ENPP3: variants seen among roughly 807,000 people sequenced by gnomAD.
ENPP3 encodes ectonucleotide pyrophosphatase/phosphodiesterase 3.
A neutral mutation model predicts 117.8 loss-of-function variants in ENPP3; 104 were observed. The observed-to-expected ratio is 0.88, with a 90% CI of 0.75 to 1.04. ENPP3 has a LOEUF of 1.04. ENPP3 is among the 50% of genes least tolerant of loss of function. The probability of loss-of-function intolerance (pLI) is 0.00; values close to 1 mark genes in which losing one functional copy is unlikely to be tolerated. For synonymous variants in ENPP3, 380 were observed against 349.9 expected (o/e 1.09, Z -0.96); for missense variants, 1,026 against 1,051.9 (o/e 0.98, Z 0.34).
chr6:131,668,215 T>A, intron 6 of ENPP3, among the ~76,000 whole-genome samples: 2 of 141,730 alleles, frequency 1.4e-5, no homozygotes, highest in East Asian at 2.0e-4. Flanking sequence ...CGTTTTTTTT[T>A]TTTTTTTTTT....
At chr6:131,640,971 A>G (rs1175356734) in intron 1 of ENPP3, among the ~76,000 whole-genome samples, 3 of 152,186 alleles carry the variant, frequency 2.0e-5, no homozygotes, top group Admixed American at 2.0e-4. Flanking sequence ...CTATTTGGAC[A>G]ATGTATTTTT....
At chr6:131,723,921 C>T in intron 18 of ENPP3, 119 bp from the exon 19 acceptor site, 3 of 674,286 alleles carry the variant, frequency 4.4e-6, no homozygotes, top group Non-Finnish European at 7.7e-6. Context: ...GTTAGGCTAG[C>T]TTCTTTGGCA....
At chr6:131,664,331 A>G (rs916940468) in intron 6 of ENPP3, among the ~76,000 whole-genome samples, 1 of 152,206 alleles carries the variant, frequency 6.6e-6, no homozygotes, top group African/African-American at 2.4e-5. Flanking sequence ...AAATTAAAAA[A>G]CAAAAGCTTA....
rs967889514 is a variant in ENPP3 at position 131,741,139 on chromosome 6, G to A, written c.2457+759G>A. 2.0e-5 allele frequency among the ~76,000 whole-genome samples: 3 copies of A among 152,262 alleles called. No individual in the cohort carries two copies. The East Asian group carries it at 5.8e-4, about 29-fold the overall frequency. On this transcript the variant is annotated intron_variant, in intron 24 of 24. Transcript: ENST00000357639. The stretch of plus-strand genomic sequence containing the variant: ...CTTTTTGGATCAAGGCAGATTATAT[G>A]TAAGTAGTTAATTCGACTTGCATAT...
chr6:131,643,469 G>T (rs1778093343), intron 2 of ENPP3, among the ~76,000 whole-genome samples: 1 of 152,050 alleles, frequency 6.6e-6, no homozygotes, highest in South Asian at 2.1e-4. Context: ...GCCCTATGTG[G>T]CAGCATGCTC....
chr6:131,674,060 G>T, intron 7 of ENPP3, 102 bp from the exon 8 acceptor site: 1 of 694,916 alleles, frequency 1.4e-6, no homozygotes, highest in Non-Finnish European at 2.4e-6. Flanking sequence ...AAGGTATATA[G>T]TACCTTTCTT....
At chr6:131,672,758 A>G (rs1045045037) in intron 7 of ENPP3, among the ~76,000 whole-genome samples, 1 of 151,602 alleles carries the variant, frequency 6.6e-6, no homozygotes, top group South Asian at 2.1e-4. Context: ...ATATATTTTT[A>G]TACATATATA....
chr6:131,720,258 A>G (rs1320383658), intron 16 of ENPP3, 34 bp from the exon 17 acceptor site: 4 of 1,304,954 alleles, frequency 3.1e-6, no homozygotes, highest in Middle Eastern at 2.0e-4. Flanking sequence ...TTTGGATGAC[A>G]TCTAATAATA....
intron 1 of ENPP3, among the ~76,000 whole-genome samples, chr6:131,637,670 A>G (rs565370479): frequency 7.2e-5 from 11 of 152,358 alleles, no homozygotes; most frequent in Admixed American, 3.9e-4. Context: ...ACAAGTTAAC[A>G]TTACGTTAAA....
intron 16 of ENPP3, among the ~76,000 whole-genome samples, chr6:131,719,382 AACACACACACAC>A (rs3032879): frequency 3.0e-5 from 4 of 133,126 alleles, no homozygotes; most frequent in East Asian, 2.2e-4. Context: ...TTCCATTTGT[AACACACACACAC>A]ACACACACAC....
chr6:131,739,574 G>C (rs1035083384), intron 23 of ENPP3, among the ~76,000 whole-genome samples: 1 of 150,278 alleles, frequency 6.7e-6, no homozygotes, highest in African/African-American at 2.4e-5. Flanking sequence ...AAATGCAGGA[G>C]GCAGAATATC....
chr6:131,663,711 C>G (rs1585634506), intron 6 of ENPP3, among the ~76,000 whole-genome samples: 1 of 151,350 alleles, frequency 6.6e-6, no homozygotes, highest in East Asian at 1.9e-4. Context: ...AAAAAAAATC[C>G]TATCACCTAG....
At chr6:131,684,151 G>A (rs567581997) in intron 12 of ENPP3, among the ~76,000 whole-genome samples, 24 of 152,298 alleles carry the variant, frequency 1.6e-4, no homozygotes, top group African/African-American at 5.3e-4. Flanking sequence ...TTCTTGAGGA[G>A]GACGTTTAAA....
At chr6:131,711,040 T>A (rs1779776502) in intron 15 of ENPP3, 1 of 1,591,336 alleles carries the variant, frequency 6.3e-7, no homozygotes. Context: ...GCTCTGGCGG[T>A]CACCGCAGTA....
At position 131,692,450 on chromosome 6, in the gene ENPP3, A is replaced by G. The variant is rs539345282; in HGVS notation, c.1285-1047A>G. On this transcript the variant is annotated intron_variant, in intron 14 of 24. Transcript: ENST00000357639. ...CAAAAGCCATTGACTTGATCGGAAA[A>G]CTAAGCAAATGTAGGTTATTTAAAA... Among the ~76,000 whole-genome samples the G allele has an allele frequency of 3.7e-4, 57 of 152,038 alleles. 2 individuals carry two copies. In the South Asian group the frequency reaches 0.011, roughly 29 times the overall value.
Position 131,658,343 on chromosome 6 carries a change from T to C in ENPP3, c.485T>C (p.Ile162Thr). Reference protein sequence around the residue: ...CPEGFDLPPVILFSMDGFRAE... With the variant: ...CPEGFDLPPVTLFSMDGFRAE... ...TTCAGGTTTGACCTGCCACCAGTTATCTTGTTTTCTATGGATGGATTTAGA... is the reference window on the plus strand; with the variant it reads ...TTCAGGTTTGACCTGCCACCAGTTACCTTGTTTTCTATGGATGGATTTAGA... Residue 162 changes from isoleucine (I) to threonine (T), a missense_variant, in exon 6 of 25, where the codon ATC becomes ACC. Ile to Thr is a moderately conservative substitution (Grantham distance 89, BLOSUM62 -1). Transcript: ENST00000357639. The C allele has an allele frequency of 6.2e-7, 1 of 1,608,754 alleles. No individual in the cohort carries two copies. The highest frequency in any genetic ancestry group is 8.5e-7 in the Non-Finnish European group (1 of 1,175,402).
At chr6:131,714,746 A>G (rs2114509775) in intron 15 of ENPP3, among the ~76,000 whole-genome samples, 1 of 146,656 alleles carries the variant, frequency 6.8e-6, no homozygotes, top group East Asian at 2.0e-4. Flanking sequence ...TTTCCGTGAA[A>G]AATATCACTT....
intron 6 of ENPP3, among the ~76,000 whole-genome samples, chr6:131,660,427 A>G (rs1426424588): frequency 6.6e-6 from 1 of 152,214 alleles, no homozygotes; most frequent in Non-Finnish European, 1.5e-5. Flanking sequence ...CACTCTAATG[A>G]GGCAAGAACA....
chr6:131,740,465 C>T (rs67914728), intron 24 of ENPP3, 85 bp downstream of exon 24: 172,139 of 1,073,114 alleles, frequency 0.16, 15,579 homozygotes, highest in African/African-American at 0.29. Flanking sequence ...CTGACTAAAA[C>T]ATTTTTTTTA....
Sources: allele counts gnomAD v4.1 joint callset (sites outside exome capture counted in the v4.1 genomes callset), GRCh38; gene constraint gnomAD v4.1.1; transcripts MANE v1.5; gene names NCBI Gene and HGNC (gene_info 2026-07-23, HGNC 2026-07-21).